The following FAM168A variants were observed in gnomAD, a reference collection of about 807,000 sequenced individuals.
The protein encoded by FAM168A is protein FAM168A.
In FAM168A, 3 loss-of-function variants were observed where a neutral mutation model predicts 28.5. The ratio of observed to expected loss-of-function variants is 0.11; its 90% CI spans 0.05 to 0.27. The LOEUF is 0.27. Among genes scored for constraint, FAM168A ranks in the 10% least tolerant of loss-of-function variants. FAM168A has a pLI of 1.00. For missense variants in FAM168A, 222 were observed against 311.5 expected, an observed-to-expected ratio of 0.71 and a Z score of 2.16; for synonymous variants, 122 against 124.2, an observed-to-expected ratio of 0.98 and a Z score of 0.12.
At chr11:73,458,440 A>T (rs1392628471) in intron 2 of FAM168A, among the ~76,000 whole-genome samples, 1 of 152,204 alleles carries the variant, frequency 6.6e-6, no homozygotes, top group Non-Finnish European at 1.5e-5. Context: ...GACAAGGTTT[A>T]ATCCATCTGC....
chr11:73,471,766 GAAC>G (rs2134581012), intron 1 of FAM168A, among the ~76,000 whole-genome samples: 1 of 152,200 alleles, frequency 6.6e-6, no homozygotes, highest in East Asian at 1.9e-4. Context: ...CAGAGAACAA[GAAC>G]AACAAAAATT....
chr11:73,585,871 CAAAAAAAAA>C (rs11358691), intron 1 of FAM168A, among the ~76,000 whole-genome samples: 25 of 81,664 alleles, frequency 3.1e-4, no homozygotes, highest in Admixed American at 2.9e-3. Context: ...CCATCTCAAA[CAAAAAAAAA>C]AAAAAAAAAA....
At chr11:73,586,974 T>C (rs1306292809) in intron 1 of FAM168A, among the ~76,000 whole-genome samples, 2 of 152,072 alleles carry the variant, frequency 1.3e-5, no homozygotes, top group African/African-American at 2.4e-5. Flanking sequence ...TGCATTCACA[T>C]TGGCTTTCAA....
At chr11:73,437,465 G>A (rs541381731) in intron 2 of FAM168A, among the ~76,000 whole-genome samples, 1 of 144,258 alleles carries the variant, frequency 6.9e-6, no homozygotes, top group Non-Finnish European at 1.5e-5. Context: ...GTGCAGTGGT[G>A]CGATCTCAAC....
At chr11:73,535,748 TG>T (rs1943571814) in intron 1 of FAM168A, among the ~76,000 whole-genome samples, 1 of 133,876 alleles carries the variant, frequency 7.5e-6, no homozygotes, top group Admixed American at 7.8e-5. Flanking sequence ...TTTTGAGAGA[TG>T]GGGGTATCAC....
At chr11:73,528,460 A>G (rs1943472332) in intron 1 of FAM168A, among the ~76,000 whole-genome samples, 1 of 152,232 alleles carries the variant, frequency 6.6e-6, no homozygotes, top group Non-Finnish European at 1.5e-5. Flanking sequence ...AAGAAAATTA[A>G]TCCTTTATCA....
chr11:73,487,733 A>G (rs1273032392), intron 1 of FAM168A, among the ~76,000 whole-genome samples: 5 of 151,908 alleles, frequency 3.3e-5, no homozygotes, highest in Admixed American at 2.6e-4. Flanking sequence ...TTTTTTCTCT[A>G]ATCTTAATTT....
chr11:73,548,295 T>C (rs1279385596), intron 1 of FAM168A, among the ~76,000 whole-genome samples: 2 of 151,632 alleles, frequency 1.3e-5, no homozygotes. Context: ...CATGGTAGTA[T>C]GAAATAGGAA....
rs77022738 is a variant in FAM168A, at chr11:73,529,030, C to T, written c.-18-60538G>A. On this transcript the variant is annotated intron_variant, in intron 1 of 7. Coordinates refer to ENST00000356467, the MANE Select transcript of FAM168A (RefSeq NM_015159.3). The stretch of plus-strand genomic sequence containing the variant: ...AAAAAAGTACCCTGCTGCTAGGTAG[C>T]AACTGTTTCACAAATCAGGTGTCTG... Among the ~76,000 whole-genome samples, 985 of 152,226 alleles carry T rather than the reference C, an allele frequency of 6.5e-3. 9 individuals carry two copies. The highest frequency in any genetic ancestry group is 0.022 in the African/African-American group (927 of 41,518).
chr11:73,530,290 C>G (rs1020143018), intron 1 of FAM168A, among the ~76,000 whole-genome samples: 6 of 152,182 alleles, frequency 3.9e-5, no homozygotes, highest in African/African-American at 1.4e-4. Context: ...CTCTGTGATA[C>G]GAGACTAACC....
intron 2 of FAM168A, among the ~76,000 whole-genome samples, chr11:73,439,404 A>T (rs542800585): frequency 6.6e-6 from 1 of 152,188 alleles, no homozygotes; most frequent in Non-Finnish European, 1.5e-5. Context: ...CCTCTGGGTC[A>T]TTCACCTAGG....
At chr11:73,502,171 G>C (rs1855022224) in intron 1 of FAM168A, among the ~76,000 whole-genome samples, 1 of 146,178 alleles carries the variant, frequency 6.8e-6, no homozygotes, top group South Asian at 2.2e-4. Context: ...GCAGGAGCTA[G>C]AGACACAAAA....
At chr11:73,484,498 G>GGA (rs201878144) in intron 1 of FAM168A, among the ~76,000 whole-genome samples, 29 of 143,150 alleles carry the variant, frequency 2.0e-4, no homozygotes, top group African/African-American at 3.8e-4. Flanking sequence ...AGAACTAAGA[G>GGA]GAGAGAGAGA....
intron 6 of FAM168A, among the ~76,000 whole-genome samples, chr11:73,408,182 T>A (rs1228219975): frequency 6.6e-6 from 1 of 152,188 alleles, no homozygotes; most frequent in South Asian, 2.1e-4. Flanking sequence ...TCCTTTTACT[T>A]TTCTTTGTAT....
chr11:73,557,863 T>C (rs959683418), intron 1 of FAM168A, among the ~76,000 whole-genome samples: 3 of 152,150 alleles, frequency 2.0e-5, no homozygotes, highest in Non-Finnish European at 4.4e-5. Flanking sequence ...AATAAATCCA[T>C]ACATCTCTGG....
At chr11:73,562,270 T>C (rs1376474108) in intron 1 of FAM168A, among the ~76,000 whole-genome samples, 5 of 152,174 alleles carry the variant, frequency 3.3e-5, no homozygotes, top group African/African-American at 1.2e-4. Flanking sequence ...CTGTATGACC[T>C]CTCTTCATCT....
At chr11:73,546,554 G>A (rs1055474364) in intron 1 of FAM168A, among the ~76,000 whole-genome samples, 1 of 152,198 alleles carries the variant, frequency 6.6e-6, no homozygotes, top group Non-Finnish European at 1.5e-5. Context: ...CCAAAATGGT[G>A]AAGCCTTGTC....
In FAM168A at chr11:73,406,654, CTCT is replaced by C. The variant is rs1454738247; in HGVS notation, c.*106_*108del. On this transcript the variant is annotated 3_prime_UTR_variant, in exon 8 of 8. Coordinates refer to ENST00000356467, the MANE Select transcript of FAM168A (RefSeq NM_015159.3). ...AAAGTGACCCTTGCACTTCCGTTGTCTCTTCTTGCAAATAGAGGTGGTGCTGCT... is the reference window on the plus strand; with the variant it reads ...AAAGTGACCCTTGCACTTCCGTTGTCTCTTGCAAATAGAGGTGGTGCTGCT... 1 of 152,634 alleles carries C rather than the reference CTCT, an allele frequency of 6.6e-6. No individual in the cohort carries two copies. The highest frequency in any genetic ancestry group is 1.5e-5 in the Non-Finnish European group (1 of 68,044). 9.5% of individuals were successfully genotyped at this position (152,634 alleles called of 1,614,324 possible). A position where few individuals can be genotyped will look rare whatever the true frequency, so the allele number is the denominator to read the frequency against.
intron 2 of FAM168A, among the ~76,000 whole-genome samples, chr11:73,458,833 A>C (rs1440528459): frequency 2.6e-5 from 4 of 152,130 alleles, no homozygotes; most frequent in African/African-American, 9.7e-5. Context: ...GCTGGTCTCA[A>C]ACTCCTGACC....
Sources: gnomAD v4.1 joint callset for allele counts (sites outside exome capture counted in the v4.1 genomes callset) on GRCh38, gnomAD v4.1.1 for gene constraint, MANE v1.5 for transcripts, NCBI Gene and HGNC (gene_info 2026-07-23, HGNC 2026-07-21) for gene names.